Variants in DLGAP1 observed in about 807,000 individuals in gnomAD.
The protein encoded by DLGAP1 is DLG associated protein 1, also known as disks large-associated protein 1.
Under a neutral mutation model 90.8 loss-of-function variants are expected in DLGAP1, and 11 were observed. That is an observed-to-expected ratio of 0.12 (90% CI 0.08 to 0.20). The LOEUF (loss-of-function observed/expected upper bound fraction) is 0.20, where lower values mean the gene tolerates loss of function less well. Ranked by LOEUF, DLGAP1 falls within the 10% of genes least tolerant of loss-of-function variation. The pLI is 1.00. For synonymous variants in DLGAP1, 558 were observed against 540.7 expected, an observed-to-expected ratio of 1.03 and a Z score of -0.44; for missense variants, 1,050 against 1,333.8, an observed-to-expected ratio of 0.79 and a Z score of 3.31.
chr18:4,317,255 A>G (rs2080554724), intron 1 of DLGAP1, among the ~76,000 whole-genome samples: 1 of 152,286 alleles, frequency 6.6e-6, no homozygotes, highest in African/African-American at 2.4e-5. Flanking sequence ...GGGCCGTCAC[A>G]TCCTTGTTAC....
chr18:3,937,620 T>G (rs1015420957), intron 3 of DLGAP1, among the ~76,000 whole-genome samples: 7 of 152,216 alleles, frequency 4.6e-5, no homozygotes, highest in East Asian at 3.8e-4. Context: ...CTCTCTGAGA[T>G]GCAGTGCTAA....
In DLGAP1 at chr18:3,781,555, A is replaced by C. The variant is rs190577316; in HGVS notation, c.1172+32504T>G. ...TTTTTAATAGAGATGGGGTTTCACC[A>C]TGTTGGCCAGGCTGGTCTCAAGCTC... is the stretch of plus-strand genomic sequence containing the variant. On this transcript the variant is annotated intron_variant, in intron 5 of 12. Coordinates refer to ENST00000315677, the MANE Select transcript of DLGAP1 (RefSeq NM_004746.4). Among the ~76,000 whole-genome samples the C allele has an allele frequency of 6.7e-4, 102 of 152,012 alleles. 1 individual carries two copies. Among genetic ancestry groups the C allele is most frequent in the Middle Eastern group, 6.8e-3 (2 of 294 alleles).
At chr18:4,080,305 A>G (rs1293867019) in intron 2 of DLGAP1, among the ~76,000 whole-genome samples, 3 of 152,236 alleles carry the variant, frequency 2.0e-5, no homozygotes, top group Non-Finnish European at 4.4e-5. Flanking sequence ...TTTCTTAATG[A>G]TAACGCTATC....
At chr18:4,265,584 T>C (rs2079100515) in intron 1 of DLGAP1, among the ~76,000 whole-genome samples, 2 of 115,606 alleles carry the variant, frequency 1.7e-5, no homozygotes, top group Non-Finnish European at 3.8e-5. Context: ...TTTTCTTTGT[T>C]TCTTCTTTTG....
In DLGAP1 at chr18:3,760,391, T is replaced by C. The variant is rs550020414; in HGVS notation, c.1173-17879A>G. Among the ~76,000 whole-genome samples, 5 of 152,306 alleles carry C rather than the reference T, an allele frequency of 3.3e-5. 1 individual carries two copies. The South Asian group carries it at 1.0e-3, about 32-fold the overall frequency. On this transcript the variant is annotated intron_variant, in intron 5 of 12. Coordinates refer to ENST00000315677, the MANE Select transcript of DLGAP1 (RefSeq NM_004746.4). ...AAGTGGCGACACCTTTTACCTGATA[T>C]CTAGAGTACAGTCAGGCCCAGGGGA... is the stretch of plus-strand genomic sequence containing the variant.
chr18:3,691,699 C>A (rs946649082), intron 7 of DLGAP1, among the ~76,000 whole-genome samples: 1 of 152,010 alleles, frequency 6.6e-6, no homozygotes, highest in Non-Finnish European at 1.5e-5. Flanking sequence ...ATCACTTGAG[C>A]CCAGAAGCTC....
At chr18:4,430,015 G>A (rs1309358940) in intron 1 of DLGAP1, among the ~76,000 whole-genome samples, 1 of 152,148 alleles carries the variant, frequency 6.6e-6, no homozygotes, top group South Asian at 2.1e-4. Context: ...CAAAAAGAAC[G>A]ACTTTAGGAA....
chr18:3,977,422 T>A (rs1193317399), intron 3 of DLGAP1, among the ~76,000 whole-genome samples: 1 of 141,976 alleles, frequency 7.0e-6, no homozygotes, highest in Non-Finnish European at 1.5e-5. Context: ...TAATGAATTA[T>A]GTTTATTCTG....
intron 5 of DLGAP1, among the ~76,000 whole-genome samples, chr18:3,743,859 A>G (rs1392334082): frequency 6.6e-6 from 1 of 151,984 alleles, no homozygotes; most frequent in East Asian, 1.9e-4. Flanking sequence ...TATGTTGGCC[A>G]GGCTGGTCTT....
chr18:4,403,591 C>A (rs1019078300), intron 1 of DLGAP1, among the ~76,000 whole-genome samples: 3 of 151,930 alleles, frequency 2.0e-5, no homozygotes, highest in Admixed American at 6.6e-5. Context: ...TATATTCCTG[C>A]CAAATTATAA....
intron 6 of DLGAP1, among the ~76,000 whole-genome samples, chr18:3,732,464 T>TATAGAATGGTAGG (rs1443573228): frequency 6.7e-6 from 1 of 148,246 alleles, no homozygotes; most frequent in Non-Finnish European, 1.5e-5. Flanking sequence ...ATTTAGTTCA[T>TATAGAATGGTAGG]ATAGAATGGT....
intron 2 of DLGAP1, among the ~76,000 whole-genome samples, chr18:4,017,420 C>T (rs1276167102): frequency 6.6e-6 from 1 of 152,140 alleles, no homozygotes; most frequent in Admixed American, 6.5e-5. Flanking sequence ...CCCTGGAGTT[C>T]AGCATAAATA....
At chr18:4,269,353 T>G (rs898434052) in intron 1 of DLGAP1, among the ~76,000 whole-genome samples, 18 of 107,656 alleles carry the variant, frequency 1.7e-4, no homozygotes, top group African/African-American at 7.5e-4. Context: ...TATATATATA[T>G]ATTTTTTTTT....
intron 1 of DLGAP1, among the ~76,000 whole-genome samples, chr18:4,314,757 T>C (rs1386836582): frequency 6.6e-6 from 1 of 152,182 alleles, no homozygotes; most frequent in Non-Finnish European, 1.5e-5. Context: ...ACATAAAATG[T>C]ACTCAGCTAT....
intron 1 of DLGAP1, among the ~76,000 whole-genome samples, chr18:4,184,783 G>A (rs2077264628): frequency 6.6e-6 from 1 of 152,012 alleles, no homozygotes; most frequent in South Asian, 2.1e-4. Flanking sequence ...ACTTGTGCAA[G>A]TTACCGCATA....
At chr18:3,870,917 C>A (rs1178543552) in intron 4 of DLGAP1, among the ~76,000 whole-genome samples, 1 of 152,188 alleles carries the variant, frequency 6.6e-6, no homozygotes, top group East Asian at 1.9e-4. Flanking sequence ...AATTTCTTTT[C>A]TTTGGAAGTT....
At chr18:4,423,881 C>G (rs1163102778) in intron 1 of DLGAP1, among the ~76,000 whole-genome samples, 1 of 147,172 alleles carries the variant, frequency 6.8e-6, no homozygotes, top group African/African-American at 2.6e-5. Context: ...AAGTCAGGCA[C>G]GTTGGCTCCC....
intron 1 of DLGAP1, among the ~76,000 whole-genome samples, chr18:4,417,140 G>A (rs2082918585): frequency 6.6e-6 from 1 of 152,118 alleles, no homozygotes; most frequent in African/African-American, 2.4e-5. Flanking sequence ...TGAGTTTGCA[G>A]TGGGATTTTC....
chr18:4,100,799 A>G (rs865951084), intron 2 of DLGAP1, among the ~76,000 whole-genome samples: 22 of 152,330 alleles, frequency 1.4e-4, no homozygotes, highest in African/African-American at 5.3e-4. Flanking sequence ...TTTATGTTAG[A>G]AAGACAGCTT....
Sources: allele counts gnomAD v4.1 joint callset (sites outside exome capture counted in the v4.1 genomes callset), GRCh38; gene constraint gnomAD v4.1.1; transcripts MANE v1.5; gene names NCBI Gene and HGNC (gene_info 2026-07-23, HGNC 2026-07-21).